Variants in TRIM72 observed in about 807,000 individuals in gnomAD.
TRIM72 encodes the protein tripartite motif-containing protein 72.
A neutral mutation model predicts 31.6 loss-of-function variants in TRIM72; 33 were observed. The ratio of observed to expected loss-of-function variants is 1.04; its 90% CI spans 0.79 to 1.40. The LOEUF is 1.40. Among genes scored for constraint, TRIM72 ranks in the 40% most tolerant of loss-of-function variants. TRIM72 has a pLI of 0.00. For missense variants in TRIM72, 666 were observed against 682.7 expected (o/e 0.98, Z 0.27); for synonymous variants, 301 against 314.4 (o/e 0.96, Z 0.45).
At position 31,229,316 on chromosome 16, in the gene TRIM72, C is replaced by T. The variant is rs747457738; in HGVS notation, c.*4561C>T. The T allele has an allele frequency of 1.3e-5, 2 of 152,288 alleles. No homozygotes were observed. Among genetic ancestry groups the T allele is most frequent in the Non-Finnish European group, 2.9e-5 (2 of 68,088 alleles). 9.4% of individuals were successfully genotyped at this position (152,288 alleles called of 1,614,324 possible). On this transcript the variant is annotated 3_prime_UTR_variant, in exon 7 of 7. Coordinates refer to ENST00000322122, the MANE Select transcript of TRIM72 (RefSeq NM_001008274.4). ...AGCCAGAGCCACCGTCCAAACACTCCTGTGCCTTCCGGGACCCGGGCTGGC... is the reference window on the plus strand; with the variant it reads ...AGCCAGAGCCACCGTCCAAACACTCTTGTGCCTTCCGGGACCCGGGCTGGC...
chr16:31,215,094 T>G lies in TRIM72; in HGVS notation c.356T>G (p.Leu119Arg). The change falls in exon 2 of 7, where the codon CTC becomes CGC. Residue 119 changes from leucine to arginine, a missense_variant. Coordinates refer to ENST00000322122, the MANE Select transcript of TRIM72 (RefSeq NM_001008274.4). The surrounding 1 kb of genome is among the most constrained non-coding windows in gnomAD (Gnocchi z 6.3). ...ASLGSHRGHR[L>R]LPAAEAHARL... Reference sequence around the variant, plus strand: ...CTCGGCTCGCACCGCGGTCATCGCCTCCTGCCTGCCGCCGAGGCCCACGCA... The same window carrying G: ...CTCGGCTCGCACCGCGGTCATCGCCGCCTGCCTGCCGCCGAGGCCCACGCA... 1 of 1,448,024 alleles carries G rather than the reference T, an allele frequency of 6.9e-7. No individual in the cohort carries two copies. The highest frequency in any genetic ancestry group is 9.0e-7 in the Non-Finnish European group (1 of 1,110,042). 89.7% of individuals were successfully genotyped at this position (1,448,024 alleles called of 1,614,324 possible).
rs902748603 is a variant in TRIM72 at position 31,230,040 on chromosome 16, A to T, written c.*5285A>T. ...GAGGCAGAGGTTCCGATGAGCTGAG[A>T]TCGGGCCACTGCATTCCAGTCTGGG... On this transcript the variant is annotated 3_prime_UTR_variant, in exon 7 of 7. Transcript: ENST00000322122. 1.3e-5 allele frequency: 2 copies of T among 152,220 alleles called. No homozygotes were observed. The highest frequency in any genetic ancestry group is 2.9e-5 in the Non-Finnish European group (2 of 68,072). The allele number at this position is 152,220 out of a possible 1,614,324, so 9.4% of individuals were successfully genotyped here.
At chr16:31,218,083 C>T (rs900844416) in intron 2 of TRIM72, among the ~76,000 whole-genome samples, 2 of 152,158 alleles carry the variant, frequency 1.3e-5, no homozygotes, top group East Asian at 3.9e-4. Flanking sequence ...TTCATATATC[C>T]TTCATGTACC....
intron 2 of TRIM72, among the ~76,000 whole-genome samples, chr16:31,217,921 A>T (rs1474795852): frequency 6.6e-6 from 1 of 152,046 alleles, no homozygotes; most frequent in Non-Finnish European, 1.5e-5. Context: ...CCAGCAGGGG[A>T]CATTTTAATT....
rs2079504893 is a variant in TRIM72 at position 31,215,663 on chromosome 16, G to A, written c.390+535G>A. ...CTGCGGAACTTGGGCTGGCCTGACG[G>A]TCCCCAGGCGGGGCCTCACCAGAAG... On this transcript the variant is annotated intron_variant, in intron 2 of 6. Transcript: ENST00000322122. The surrounding 1 kb of genome is among the most constrained non-coding windows in gnomAD (Gnocchi z 6.3). Among the ~76,000 whole-genome samples the A allele has an allele frequency of 6.6e-6, 1 of 152,238 alleles. No homozygotes were observed. The highest frequency in any genetic ancestry group is 2.1e-4 in the South Asian group (1 of 4,834).
rs764589997 is a variant in TRIM72 at position 31,224,693 on chromosome 16, C to A, written c.1372C>A (p.His458Asn). The A allele has an allele frequency of 9.1e-6, 14 of 1,545,782 alleles. 1 individual carries two copies. In the South Asian group the frequency reaches 1.6e-4, roughly 18 times the overall value. ...GTACCCCTTCTTCGACGTGTGCTGG[C>A]ACGACAAGGGCAAGAATGCCCAGCC... ...PVYPFFDVCW[H>N]DKGKNAQPLL... The change falls in exon 7 of 7, where the codon CAC becomes AAC. Residue 458 changes from histidine to asparagine, a missense_variant. His to Asn is a moderately conservative substitution (Grantham distance 68, BLOSUM62 1). Coordinates refer to ENST00000322122, the MANE Select transcript of TRIM72 (RefSeq NM_001008274.4).
rs2079505239 is a variant in TRIM72 at position 31,215,740 on chromosome 16, A to T, written c.390+612A>T. On this transcript the variant is annotated intron_variant, in intron 2 of 6. Transcript: ENST00000322122. This position sits in a 1 kb window ranked among gnomAD's most constrained non-coding sequence, Gnocchi z 6.3. ...GATCTGCACTTATGTGTGCGGGCCC[A>T]GGGTGGCACCGAGAGCCCCGTCCAG... is the stretch of plus-strand genomic sequence containing the variant. Among the ~76,000 whole-genome samples, 1 of 152,136 alleles carries T rather than the reference A, an allele frequency of 6.6e-6. No individual in the cohort carries two copies. The highest frequency in any genetic ancestry group is 2.4e-5 in the African/African-American group (1 of 41,438).
rs1371884748 is a variant in TRIM72, at chr16:31,226,216, A to G, written c.*1461A>G. ...ATTGGGCTCTTCACTGTCAGTGTAG[A>G]GGCATAGGTCCAAAATATGTTTCCC... On this transcript the variant is annotated 3_prime_UTR_variant, in exon 7 of 7. Coordinates refer to ENST00000322122, the MANE Select transcript of TRIM72 (RefSeq NM_001008274.4). The G allele has an allele frequency of 6.6e-6, 1 of 152,144 alleles. No individual in the cohort carries two copies. Among genetic ancestry groups the G allele is most frequent in the Non-Finnish European group, 1.5e-5 (1 of 68,024 alleles). 9.4% of individuals were successfully genotyped at this position (152,144 alleles called of 1,614,324 possible).
At chr16:31,217,849 G>A (rs143476392) in intron 2 of TRIM72, among the ~76,000 whole-genome samples, 261 of 152,168 alleles carry the variant, frequency 1.7e-3, no homozygotes, top group African/African-American at 6.1e-3. Context: ...TCCTGACCTC[G>A]TGATCCACCC....
intron 6 of TRIM72, 139 bp downstream of exon 6, chr16:31,223,084 C>CGCTG (rs2079541116): frequency 1.4e-6 from 1 of 690,198 alleles, no homozygotes; most frequent in African/African-American, 1.9e-5. Context: ...TCTGGACTGC[C>CGCTG]GCTGCAGTCC....
rs1423388645 is a variant in TRIM72, at chr16:31,214,988, G to A, written c.250G>A (p.Gly84Ser). 17 of 1,496,684 alleles carry A rather than the reference G, an allele frequency of 1.1e-5. No homozygotes were observed. Among genetic ancestry groups the A allele is most frequent in the Non-Finnish European group, 1.4e-5 (16 of 1,131,030 alleles). The allele number at this position is 1,496,684 out of a possible 1,614,324, so 92.7% of individuals were successfully genotyped here. A position where few individuals can be genotyped will look rare whatever the true frequency, so the allele number is the denominator to read the frequency against. Residue 84 changes from glycine (G) to serine (S), a missense_variant, in exon 2 of 7, where the codon GGC becomes AGC. Coordinates refer to ENST00000322122, the MANE Select transcript of TRIM72 (RefSeq NM_001008274.4). Reference sequence around the variant, plus strand: ...GGAGGGGCTGGCCCAGGTGCCGCAGGGCCACTGCGAGGAGCACCTGGACCC... The same window carrying A: ...GGAGGGGCTGGCCCAGGTGCCGCAGAGCCACTGCGAGGAGCACCTGGACCC... Reference protein sequence around the residue: ...LVEGLAQVPQGHCEEHLDPLS... With the variant: ...LVEGLAQVPQSHCEEHLDPLS...
rs1482477323 is a variant in TRIM72 at position 31,214,842 on chromosome 16, G to A, written c.104G>A (p.Arg35His). 3 of 1,550,856 alleles carry A rather than the reference G, an allele frequency of 1.9e-6. No individual in the cohort carries two copies. The highest frequency in any genetic ancestry group is 4.9e-5 in the East Asian group (2 of 40,768). The change falls in exon 2 of 7, where the codon CGC becomes CAC. Residue 35 changes from arginine (R) to histidine (H), a missense_variant. Transcript: ENST00000322122. ...VTAECGHSFC[R>H]ACLGRVAGEP... ...GCCGAGTGCGGCCACAGTTTCTGCC[G>A]CGCCTGCCTAGGCCGCGTGGCCGGG...
chr16:31,228,913 C>G lies in TRIM72; in HGVS notation c.*4158C>G, dbSNP rs921577340. 1 of 152,174 alleles carries G rather than the reference C, an allele frequency of 6.6e-6. No homozygotes were observed. The highest frequency in any genetic ancestry group is 1.5e-5 in the Non-Finnish European group (1 of 68,136). The allele number at this position is 152,174 out of a possible 1,614,324, so 9.4% of individuals were successfully genotyped here. On this transcript the variant is annotated 3_prime_UTR_variant, in exon 7 of 7. Coordinates refer to ENST00000322122, the MANE Select transcript of TRIM72 (RefSeq NM_001008274.4). ...CACTTCTTTTTTAGGAATGTCAGTT[C>G]CCTCCCACTTATCCTTCATGGCTCT...
rs2144204494 is a variant in TRIM72 at position 31,228,716 on chromosome 16, C to T, written c.*3961C>T. ...CCTCCGCAGTAGCTAGGATTACAGG[C>T]ACCCACCACCACGCCAGGTTAGTTT... On this transcript the variant is annotated 3_prime_UTR_variant, in exon 7 of 7. Coordinates refer to ENST00000322122, the MANE Select transcript of TRIM72 (RefSeq NM_001008274.4). The T allele has an allele frequency of 6.6e-6, 1 of 152,272 alleles. No individual in the cohort carries two copies. Among genetic ancestry groups the T allele is most frequent in the Non-Finnish European group, 1.5e-5 (1 of 68,088 alleles). The allele number at this position is 152,272 out of a possible 1,614,324, so 9.4% of individuals were successfully genotyped here.
In TRIM72 at chr16:31,224,696, GA is replaced by G; in HGVS notation, c.1376del (p.Asp459AlafsTer25). On this transcript the variant is annotated frameshift_variant, in exon 7 of 7. Transcript: ENST00000322122. LOFTEE classifies it high-confidence loss of function. ...CCCCTTCTTCGACGTGTGCTGGCAC[GA>G]CAAGGGCAAGAATGCCCAGCCGCTG... The part of the protein sequence containing the change: ...VYPFFDVCWH[D>X]KGKNAQPLLL... 6.5e-7 allele frequency: 1 copy of G among 1,544,034 alleles called. No homozygotes were observed. The highest frequency in any genetic ancestry group is 8.7e-7 in the Non-Finnish European group (1 of 1,152,422).
chr16:31,228,891 T>A lies in TRIM72; in HGVS notation c.*4136T>A, dbSNP rs2079562063. The A allele has an allele frequency of 6.6e-6, 1 of 152,238 alleles. No individual in the cohort carries two copies. Among genetic ancestry groups the A allele is most frequent in the African/African-American group, 2.4e-5 (1 of 41,434 alleles). 9.4% of individuals were successfully genotyped at this position (152,238 alleles called of 1,614,324 possible). ...GAGCTGTCGGGCCTGGCCCCTGCACTTCTTTTTTAGGAATGTCAGTTCCCT... is the reference window on the plus strand; with the variant it reads ...GAGCTGTCGGGCCTGGCCCCTGCACATCTTTTTTAGGAATGTCAGTTCCCT... On this transcript the variant is annotated 3_prime_UTR_variant, in exon 7 of 7. Coordinates refer to ENST00000322122, the MANE Select transcript of TRIM72 (RefSeq NM_001008274.4).
rs2079560360 is a variant in TRIM72 at position 31,228,313 on chromosome 16, T to A, written c.*3558T>A. On this transcript the variant is annotated 3_prime_UTR_variant, in exon 7 of 7. Coordinates refer to ENST00000322122, the MANE Select transcript of TRIM72 (RefSeq NM_001008274.4). ...ATCTAACAGGGCAAATATTGAAAGA[T>A]AAAACCACATAACAAAAGCTCTTTG... 1 of 152,268 alleles carries A rather than the reference T, an allele frequency of 6.6e-6. No homozygotes were observed. Among genetic ancestry groups the A allele is most frequent in the Non-Finnish European group, 1.5e-5 (1 of 68,104 alleles). The allele number at this position is 152,268 out of a possible 1,614,324, so 9.4% of individuals were successfully genotyped here. A position where few individuals can be genotyped will look rare whatever the true frequency, so the allele number is the denominator to read the frequency against.
intron 5 of TRIM72, among the ~76,000 whole-genome samples, chr16:31,222,219 C>T (rs945672492): frequency 6.6e-5 from 10 of 152,002 alleles, no homozygotes; most frequent in South Asian, 2.1e-4. Flanking sequence ...ATGGCAAAAC[C>T]TCACCTCTAC....
At chr16:31,218,935 C>A (rs960254440) in intron 2 of TRIM72, among the ~76,000 whole-genome samples, 160 bp from the exon 3 acceptor site, 1 of 152,102 alleles carries the variant, frequency 6.6e-6, no homozygotes, top group Non-Finnish European at 1.5e-5. Flanking sequence ...AGGAGTAGCA[C>A]TGGCTGGGGC....
Sources: allele counts gnomAD v4.1 joint callset (sites outside exome capture counted in the v4.1 genomes callset), GRCh38; gene constraint gnomAD v4.1.1; non-coding constraint Gnocchi (gnomAD v3.1); transcripts MANE v1.5; gene names NCBI Gene and HGNC (gene_info 2026-07-23, HGNC 2026-07-21).